Variants in AKAP11 observed in about 807,000 individuals in gnomAD.
The protein encoded by AKAP11 is A-kinase anchoring protein 11.
In AKAP11, 36 loss-of-function variants were observed where a neutral mutation model predicts 146.1. That is an observed-to-expected ratio of 0.25 (90% CI 0.19 to 0.33). The LOEUF (loss-of-function observed/expected upper bound fraction) is 0.33. Ranked by LOEUF, AKAP11 falls within the 10% of genes least tolerant of loss-of-function variation. The pLI is 1.00. For synonymous variants in AKAP11, 780 were observed against 786.5 expected (o/e 0.99, Z 0.14); for missense variants, 2,201 against 2,197.0 (o/e 1.00, Z -0.04).
rs935037014 is a variant in AKAP11, at chr13:42,302,489, C to T, written c.3743C>T (p.Pro1248Leu). 7 of 1,613,960 alleles carry T rather than the reference C, an allele frequency of 4.3e-6. No homozygotes were observed. The highest frequency in any genetic ancestry group is 5.1e-6 in the Non-Finnish European group (6 of 1,180,012). The change falls in exon 8 of 13, where the codon CCC becomes CTC. Residue 1248 changes from proline (P) to leucine (L), a missense_variant. Pro to Leu is a moderately conservative substitution (Grantham distance 98, BLOSUM62 -3). Transcript: ENST00000025301. ...QRSVSPTFLN[P>L]SDENLKTLCN... ...AGTGTGTCGCCTACTTTTTTAAACC[C>T]CTCAGACGAAAATTTGAAAACATTA...
Position 42,319,764 on chromosome 13 carries a change from T to C in AKAP11, c.*536T>C, listed in dbSNP as rs1020563661. 6.6e-6 allele frequency: 1 copy of C among 152,426 alleles called. No individual in the cohort carries two copies. Among genetic ancestry groups the C allele is most frequent in the Non-Finnish European group, 1.5e-5 (1 of 68,066 alleles). 9.4% of individuals were successfully genotyped at this position (152,426 alleles called of 1,614,324 possible). ...TCATATTTCATAGATCAGCTATTGG[T>C]AGCTTTTTGATTTCCCCAAACTATT... On this transcript the variant is annotated 3_prime_UTR_variant, in exon 13 of 13. Transcript: ENST00000025301.
rs758477438 is a variant in AKAP11 at position 42,302,781 on chromosome 13, T to G, written c.4035T>G (p.Tyr1345Ter). ...YPSCESVTDE[Y>*]AGHLIQILKQ... ...GCTGTGAAAGTGTGACAGATGAATATGCAGGTCACCTTATTCAGATACTAA... is the reference window on the plus strand; with the variant it reads ...GCTGTGAAAGTGTGACAGATGAATAGGCAGGTCACCTTATTCAGATACTAA... Residue 1345 changes from tyrosine (Y) to a stop codon, truncating the protein, a stop_gained, in exon 8 of 13, where the codon TAT becomes TAG. Transcript: ENST00000025301. LOFTEE classifies it high-confidence loss of function. 2 of 1,614,084 alleles carry G rather than the reference T, an allele frequency of 1.2e-6. No individual in the cohort carries two copies. The highest frequency in any genetic ancestry group is 1.7e-6 in the Non-Finnish European group (2 of 1,180,008).
rs765076840 is a variant in AKAP11, at chr13:42,319,249, A to G, written c.*21A>G. 15 of 1,605,100 alleles carry G rather than the reference A, an allele frequency of 9.3e-6. No homozygotes were observed. The highest frequency in any genetic ancestry group is 1.3e-5 in the Non-Finnish European group (15 of 1,176,806). On this transcript the variant is annotated 3_prime_UTR_variant, in exon 13 of 13. Transcript: ENST00000025301. ...CATAGAGCAAACCCCAAACCAGTATATTTTAGTATTTGTTTGGGGAGGGGA... is the reference window on the plus strand; with the variant it reads ...CATAGAGCAAACCCCAAACCAGTATGTTTTAGTATTTGTTTGGGGAGGGGA...
chr13:42,291,404 C>T (rs1349013890), intron 3 of AKAP11, among the ~76,000 whole-genome samples: 2 of 152,148 alleles, frequency 1.3e-5, no homozygotes, highest in African/African-American at 4.8e-5. Context: ...AGGCACGTGG[C>T]ACCATGCCAG....
In AKAP11 at chr13:42,300,987, C is replaced by A. The variant is rs1207224710; in HGVS notation, c.2241C>A (p.His747Gln). ...TQAVTFSPSF[H>Q]NQAIMVTKPV... ...CTGTCACGTTTTCCCCTTCTTTTCA[C>A]AATCAAGCAATTATGGTGACAAAAC... The change falls in exon 8 of 13, where the codon CAC (histidine) becomes CAA (glutamine). Residue 747 changes from histidine to glutamine, a missense_variant. Physicochemically the swap from His to Gln is conservative, Grantham distance 24. This residue lies in a region of AKAP11 where 1,867 missense variants were observed against 1,833.5 expected (regional missense o/e 1.02). Transcript: ENST00000025301. 6.2e-7 allele frequency: 1 copy of A among 1,614,092 alleles called. No homozygotes were observed. Among genetic ancestry groups the A allele is most frequent in the East Asian group, 2.2e-5 (1 of 44,878 alleles).
intron 11 of AKAP11, among the ~76,000 whole-genome samples, chr13:42,316,761 T>C (rs887006179): frequency 2.0e-5 from 3 of 152,202 alleles, no homozygotes; most frequent in Non-Finnish European, 4.4e-5. Flanking sequence ...TTCTACCTCA[T>C]AGAGTGGTTG....
At chr13:42,293,062 T>C (rs1404748485) in intron 4 of AKAP11, among the ~76,000 whole-genome samples, 2 of 152,210 alleles carry the variant, frequency 1.3e-5, no homozygotes, top group Non-Finnish European at 2.9e-5. Context: ...AAGAGTAAGA[T>C]CCTTTTCTAT....
chr13:42,318,408 A>G (rs1296063486), intron 12 of AKAP11, among the ~76,000 whole-genome samples: 3 of 152,230 alleles, frequency 2.0e-5, no homozygotes, highest in African/African-American at 7.2e-5. Context: ...TAAAAAGGTT[A>G]AGCATATATA....
chr13:42,280,953 G>A (rs1039328842), intron 1 of AKAP11, among the ~76,000 whole-genome samples: 4 of 152,162 alleles, frequency 2.6e-5, no homozygotes, highest in Admixed American at 2.6e-4. Context: ...TGGTTTAATG[G>A]CTCTTACTGA....
Position 42,298,693 on chromosome 13 carries a change from A to C in AKAP11, c.512A>C (p.Glu171Ala). The C allele has an allele frequency of 6.2e-7, 1 of 1,611,712 alleles. No homozygotes were observed. The highest frequency in any genetic ancestry group is 8.5e-7 in the Non-Finnish European group (1 of 1,179,154). ...HQKHQLETTD[E>A]DDDDTNQSVS... ...AAGCACCAACTTGAGACCACTGATGAAGATGATGATGATACTAACCAGTCT... is the reference window on the plus strand; with the variant it reads ...AAGCACCAACTTGAGACCACTGATGCAGATGATGATGATACTAACCAGTCT... Residue 171 changes from glutamate (E) to alanine (A), a missense_variant, in exon 7 of 13, where the codon GAA (glutamate) becomes GCA (alanine). Physicochemically the swap from Glu to Ala is moderately radical, Grantham distance 107 (BLOSUM62 -1). Coordinates refer to ENST00000025301, the MANE Select transcript of AKAP11 (RefSeq NM_016248.4).
rs182088289 is a variant in AKAP11 at position 42,320,262 on chromosome 13, G to T, written c.*1034G>T. On this transcript the variant is annotated 3_prime_UTR_variant, in exon 13 of 13. Transcript: ENST00000025301. ...TGAAAAAACCTCTACCAAGAATGTG[G>T]TGTTTTTTTTGTTTGTTTGTTTGTT... The T allele has an allele frequency of 9.4e-3, 1,375 of 146,160 alleles. 11 individuals carry two copies. The highest frequency in any genetic ancestry group is 0.037 in the South Asian group (167 of 4,540). 9.1% of individuals were successfully genotyped at this position (146,160 alleles called of 1,614,324 possible).
intron 1 of AKAP11, among the ~76,000 whole-genome samples, chr13:42,279,289 TCTCTCA>T (rs1415293756): frequency 7.3e-5 from 11 of 150,444 alleles, no homozygotes; most frequent in African/African-American, 2.0e-4. Context: ...ACACTCTCTC[TCTCTCA>T]CTCACTCACT....
At chr13:42,286,158 A>AT (rs1447302509) in intron 2 of AKAP11, 123 bp downstream of exon 2, 3 of 388,992 alleles carry the variant, frequency 7.7e-6, no homozygotes, top group Non-Finnish European at 1.4e-5. Flanking sequence ...TTGCAAGTAA[A>AT]TTGGGGGGGG....
At chr13:42,292,280 A>G in intron 3 of AKAP11, 105 bp from the exon 4 acceptor site, 1 of 547,494 alleles carries the variant, frequency 1.8e-6, no homozygotes, top group African/African-American at 1.9e-5. Context: ...GTGCCAGTGA[A>G]TATTAGTTAG....
At chr13:42,280,073 G>C (rs1214700410) in intron 1 of AKAP11, among the ~76,000 whole-genome samples, 2 of 152,136 alleles carry the variant, frequency 1.3e-5, no homozygotes, top group Non-Finnish European at 2.9e-5. Context: ...TCTCCCTCCA[G>C]CTTAATACCC....
intron 4 of AKAP11, among the ~76,000 whole-genome samples, chr13:42,294,398 A>AT (rs1959382604): frequency 6.6e-6 from 1 of 151,748 alleles, no homozygotes; most frequent in Admixed American, 6.6e-5. Context: ...GTATATATAT[A>AT]TTTTTTTCTT....
At position 42,303,674 on chromosome 13, in the gene AKAP11, A is replaced by G; in HGVS notation, c.4928A>G (p.Asn1643Ser). The change falls in exon 8 of 13, where the codon AAT becomes AGT. Residue 1643 changes from asparagine (N) to serine (S), a missense_variant. Asn to Ser is a conservative substitution (Grantham distance 46). This residue lies in a region of AKAP11 where 1,867 missense variants were observed against 1,833.5 expected (regional missense o/e 1.02). Coordinates refer to ENST00000025301, the MANE Select transcript of AKAP11 (RefSeq NM_016248.4). Reference sequence around the variant, plus strand: ...CTCAGTGTCCCTCAGATTCATGTTAATCTTGATAAGAAGGCAGTGCTTGCT... The same window carrying G: ...CTCAGTGTCCCTCAGATTCATGTTAGTCTTGATAAGAAGGCAGTGCTTGCT... ...FHLSVPQIHVNLDKKAVLAEK... is the reference protein window; with the variant it reads ...FHLSVPQIHVSLDKKAVLAEK... 2.5e-6 allele frequency: 4 copies of G among 1,614,166 alleles called. No individual in the cohort carries two copies. Among genetic ancestry groups the G allele is most frequent in the Non-Finnish European group, 3.4e-6 (4 of 1,180,012 alleles).
At chr13:42,307,261 C>G (rs530319903) in intron 8 of AKAP11, among the ~76,000 whole-genome samples, 1 of 152,238 alleles carries the variant, frequency 6.6e-6, no homozygotes, top group Admixed American at 6.5e-5. Context: ...GGGGGCAATT[C>G]AGGGGCTATT....
intron 1 of AKAP11, among the ~76,000 whole-genome samples, chr13:42,283,710 T>A (rs1374228439): frequency 6.6e-6 from 1 of 152,218 alleles, no homozygotes; most frequent in East Asian, 1.9e-4. Context: ...GAGTTAATGT[T>A]TATCTTTGCT....
Sources: allele counts gnomAD v4.1 joint callset (sites outside exome capture counted in the v4.1 genomes callset), GRCh38; gene constraint gnomAD v4.1.1; regional missense constraint gnomAD v4.1.1; transcripts MANE v1.5; gene names NCBI Gene and HGNC (gene_info 2026-07-23, HGNC 2026-07-21).